FAM107B: variants seen among roughly 807,000 people sequenced by gnomAD.
The protein encoded by FAM107B is protein FAM107B.
In FAM107B, 21 loss-of-function variants were observed where a neutral mutation model predicts 31.5. That is an observed-to-expected ratio of 0.67 (90% confidence interval 0.47 to 0.96). The LOEUF (loss-of-function observed/expected upper bound fraction) is 0.96, where lower values mean the gene tolerates loss of function less well. Ranked by LOEUF, FAM107B falls within the 40% of genes least tolerant of loss-of-function variation. FAM107B has a pLI of 0.00. For synonymous variants in FAM107B, 157 were observed against 141.5 expected, an observed-to-expected ratio of 1.11 and a Z score of -0.78; for missense variants, 452 against 377.1, an observed-to-expected ratio of 1.20 and a Z score of -1.64.
Position 14,519,437 on chromosome 10 carries a change from T to A in FAM107B, c.*1753A>T, listed in dbSNP as rs573550391. The A allele has an allele frequency of 9.0e-4, 137 of 152,338 alleles. 1 individual carries two copies. Among genetic ancestry groups the A allele is most frequent in the African/African-American group, 3.3e-3 (137 of 41,578 alleles). 9.4% of individuals were successfully genotyped at this position (152,338 alleles called of 1,614,324 possible). On this transcript the variant is annotated 3_prime_UTR_variant, in exon 5 of 5. Coordinates refer to ENST00000181796, the MANE Select transcript of FAM107B (RefSeq NM_031453.4). ...TTTCAAGATCATCAGTCATCACACT[T>A]CCTTCTCTCAAAAGAACGATGGGAA...
chr10:14,773,153 G>A lies in FAM107B; in HGVS notation c.411+1100C>T, dbSNP rs923453511. On this transcript the variant is annotated intron_variant, in intron 1 of 4. Coordinates refer to ENST00000181796, the MANE Select transcript of FAM107B (RefSeq NM_031453.4). ...AGTTTTTGCTGTGACAGAGGATATG[G>A]TAAAACTCTCTGTCCAATTTCAGAA... Among the ~76,000 whole-genome samples the A allele has an allele frequency of 2.6e-5, 4 of 152,168 alleles. No homozygotes were observed. The South Asian group carries it at 8.3e-4, about 32-fold the overall frequency.
intron 1 of FAM107B, among the ~76,000 whole-genome samples, chr10:14,748,901 C>A (rs1482435913): frequency 6.6e-6 from 1 of 152,242 alleles, no homozygotes; most frequent in East Asian, 1.9e-4. Flanking sequence ...CCTGAGCAAC[C>A]CCCAGAGGGA....
intron 1 of FAM107B, among the ~76,000 whole-genome samples, chr10:14,719,951 T>TGCTGTTATTGATCTTTGGGTTGC (rs1554752708): frequency 3.3e-5 from 5 of 152,256 alleles, no homozygotes; most frequent in South Asian, 2.1e-4. Context: ...TGTGGGCTCT[T>TGCTGTTATTGATCTTTGGGTTGC]TTCCTCACTG....
At chr10:14,584,798 T>C (rs1444720960) in intron 2 of FAM107B, among the ~76,000 whole-genome samples, 1 of 152,194 alleles carries the variant, frequency 6.6e-6, no homozygotes, top group African/African-American at 2.4e-5. Context: ...CCACCTTTTC[T>C]GCATGGCAGG....
chr10:14,614,918 A>G (rs905157020), intron 2 of FAM107B, among the ~76,000 whole-genome samples: 3 of 152,170 alleles, frequency 2.0e-5, no homozygotes, highest in Non-Finnish European at 4.4e-5. Flanking sequence ...GCTTCAAGAC[A>G]TAATGGGAAA....
intron 2 of FAM107B, among the ~76,000 whole-genome samples, chr10:14,588,078 G>A (rs555192861): frequency 1.8e-4 from 27 of 152,222 alleles, no homozygotes; most frequent in East Asian, 3.9e-4. Context: ...TCGACGTGAC[G>A]TTAGTAGAGA....
intron 2 of FAM107B, among the ~76,000 whole-genome samples, chr10:14,649,655 C>T (rs1054203597): frequency 6.6e-6 from 1 of 152,150 alleles, no homozygotes; most frequent in African/African-American, 2.4e-5. Flanking sequence ...CGAGTTGTCC[C>T]ACCTTTTCCA....
rs1368486341 is a variant in FAM107B at position 14,521,929 on chromosome 10, T to C, written c.744A>G (p.Ala248=). Residue 248 remains alanine (A), a synonymous_variant, in exon 4 of 5, where the codon GCA becomes GCG. Coordinates refer to ENST00000181796, the MANE Select transcript of FAM107B (RefSeq NM_031453.4). ...TTTCCAAGTCAGATTTCTTCTTCTG[T>C]GCTTCTTCTTCCTTCTGCTTTATTA... ...DQVIKQKEEE[A]QKKKSDLEIE... 3.1e-6 allele frequency: 5 copies of C among 1,614,234 alleles called. No individual in the cohort carries two copies.
chr10:14,750,473 G>A (rs990146393), intron 1 of FAM107B, among the ~76,000 whole-genome samples: 5 of 152,054 alleles, frequency 3.3e-5, no homozygotes, highest in Non-Finnish European at 5.9e-5. Context: ...TTAGCTGGGC[G>A]GGATGGTGCA....
rs1261869420 is a variant in FAM107B, at chr10:14,629,432, A to C, written c.469+38202T>G. Among the ~76,000 whole-genome samples the C allele has an allele frequency of 7.4e-4, 7 of 9,474 alleles. 1 individual carries two copies. Among genetic ancestry groups the C allele is most frequent in the Non-Finnish European group, 9.6e-4 (6 of 6,234 alleles). The allele number at this position is 9,474 out of a possible 152,430, so 6.2% of individuals were successfully genotyped here. A position where few individuals can be genotyped will look rare whatever the true frequency, so the allele number is the denominator to read the frequency against. ...TTAATATATATAATATATATAATAT[A>C]TATTATATATATATTATATATATAT... On this transcript the variant is annotated intron_variant, in intron 2 of 4. Transcript: ENST00000181796.
intron 2 of FAM107B, among the ~76,000 whole-genome samples, chr10:14,608,323 C>T (rs951415559): frequency 1.3e-5 from 2 of 152,344 alleles, no homozygotes; most frequent in East Asian, 3.9e-4. Flanking sequence ...TTAAGCCACG[C>T]TCTCTCATTC....
chr10:14,625,532 A>G (rs1017936966), intron 2 of FAM107B, among the ~76,000 whole-genome samples: 19 of 152,136 alleles, frequency 1.2e-4, no homozygotes, highest in South Asian at 8.3e-4. Flanking sequence ...TCATAAGAAC[A>G]GGGAAACAGG....
At chr10:14,675,389 T>C (rs1588698768) in intron 1 of FAM107B, among the ~76,000 whole-genome samples, 4 of 152,214 alleles carry the variant, frequency 2.6e-5, no homozygotes, top group Non-Finnish European at 4.4e-5. Flanking sequence ...TCCGAGGAAA[T>C]GGATCTGTGG....
At chr10:14,635,663 GT>G (rs1554842853) in intron 2 of FAM107B, among the ~76,000 whole-genome samples, 2 of 151,868 alleles carry the variant, frequency 1.3e-5, no homozygotes, top group Non-Finnish European at 2.9e-5. Context: ...ATGCAGTCTC[GT>G]TCTGTCACCC....
chr10:14,587,883 G>C (rs747800795), intron 2 of FAM107B, among the ~76,000 whole-genome samples: 4 of 152,224 alleles, frequency 2.6e-5, no homozygotes, highest in Non-Finnish European at 5.9e-5. Context: ...AAATCAGAGG[G>C]TTAGGTGTTC....
chr10:14,763,969 A>G (rs1354291042), intron 1 of FAM107B, among the ~76,000 whole-genome samples: 1 of 152,166 alleles, frequency 6.6e-6, no homozygotes, highest in Non-Finnish European at 1.5e-5. Context: ...TTCTTGTACC[A>G]CTATTCACAG....
chr10:14,704,834 G>A (rs1420385976), intron 1 of FAM107B, among the ~76,000 whole-genome samples: 1 of 151,968 alleles, frequency 6.6e-6, no homozygotes, highest in Non-Finnish European at 1.5e-5. Context: ...GACCAGCCTG[G>A]CCAACATGAT....
intron 2 of FAM107B, among the ~76,000 whole-genome samples, chr10:14,559,423 T>TAA (rs1850033326): frequency 1.3e-5 from 2 of 149,760 alleles, no homozygotes; most frequent in Admixed American, 1.3e-4. Flanking sequence ...GCTTCCATTC[T>TAA]AATGGAAACC....
intron 2 of FAM107B, among the ~76,000 whole-genome samples, chr10:14,637,858 C>A (rs551357453): frequency 6.6e-6 from 1 of 152,234 alleles, no homozygotes; most frequent in East Asian, 1.9e-4. Flanking sequence ...CCTACACCTG[C>A]AAAGAACTGA....
Sources: allele counts gnomAD v4.1 joint callset (sites outside exome capture counted in the v4.1 genomes callset), GRCh38; gene constraint gnomAD v4.1.1; transcripts MANE v1.5; gene names NCBI Gene and HGNC (gene_info 2026-07-23, HGNC 2026-07-21).